AK9: variants seen among roughly 807,000 people sequenced by gnomAD.
The protein encoded by AK9 is adenylate kinase domain containing 1.
In AK9, 191 loss-of-function variants were observed where a neutral mutation model predicts 239.6. The observed-to-expected ratio is 0.80, with a 90% CI of 0.71 to 0.90. AK9 has a LOEUF of 0.90. Ranked by LOEUF, AK9 falls within the 40% of genes least tolerant of loss-of-function variation. The pLI, the probability that AK9 is intolerant of heterozygous loss-of-function variation, is 0.00. For missense variants in AK9, 1,995 were observed against 2,214.7 expected (o/e 0.90, Z 1.99); for synonymous variants, 689 against 721.0 (o/e 0.96, Z 0.71).
chr6:109,677,625 TGG>T (rs1450106287), intron 1 of AK9, among the ~76,000 whole-genome samples: 15 of 152,058 alleles, frequency 9.9e-5, no homozygotes, highest in Non-Finnish European at 2.9e-5. Flanking sequence ...CATTTAAAAT[TGG>T]TGAATAAAAA....
chr6:109,497,121 A>C (rs1777119423), intron 38 of AK9, among the ~76,000 whole-genome samples: 1 of 151,916 alleles, frequency 6.6e-6, no homozygotes, highest in Non-Finnish European at 1.5e-5. Context: ...TGCTTGGAAC[A>C]TGTCCCTCTT....
At position 109,674,236 on chromosome 6, in the gene AK9, C is replaced by T. The variant is rs150756404; in HGVS notation, c.143G>A (p.Arg48His). 103 of 1,589,328 alleles carry T rather than the reference C, an allele frequency of 6.5e-5. No individual in the cohort carries two copies. Among genetic ancestry groups the T allele is most frequent in the South Asian group, 2.6e-4 (22 of 86,184 alleles). Residue 48 changes from arginine to histidine, a missense_variant, in exon 3 of 41, where the codon CGT (arginine) becomes CAT (histidine). Physicochemically the swap from Arg to His is conservative, Grantham distance 29. Coordinates refer to ENST00000424296, the MANE Select transcript of AK9 (RefSeq NM_001145128.3). Reference sequence around the variant, plus strand: ...ACATTTCCATGCCTGTGTTATGTAACGGGCTAATGTTGTTTTCCCAACACC... The same window carrying T: ...ACATTTCCATGCCTGTGTTATGTAATGGGCTAATGTTGTTTTCCCAACACC... The part of the protein sequence containing the change: ...KPGVGKTTLA[R>H]YITQAWKCIR...
At position 109,573,606 on chromosome 6, in the gene AK9, T is replaced by G. The variant is rs1414009997; in HGVS notation, c.2192-12A>C. ...AGTCTCTTCAGCTTCTAAAAAAATT[T>G]GAAGAAATAAATTATCATTTGGTTG... On this transcript the variant is annotated splice_polypyrimidine_tract_variant and intron_variant, in intron 20 of 40. Transcript: ENST00000424296. The G allele has an allele frequency of 2.0e-6, 3 of 1,533,930 alleles. No homozygotes were observed. Among genetic ancestry groups the G allele is most frequent in the African/African-American group, 2.8e-5 (2 of 71,924 alleles).
At chr6:109,663,965 T>A (rs191805278) in intron 5 of AK9, among the ~76,000 whole-genome samples, 1 of 152,334 alleles carries the variant, frequency 6.6e-6, no homozygotes. Context: ...GAAAGCAATA[T>A]ATTGCAACAG....
chr6:109,676,133 T>A (rs1025030563), intron 1 of AK9, among the ~76,000 whole-genome samples: 1 of 152,118 alleles, frequency 6.6e-6, no homozygotes, highest in African/African-American at 2.4e-5. Flanking sequence ...AAAGGTAATG[T>A]TGGCTAAATG....
In AK9 at chr6:109,546,018, ACTT is replaced by A; in HGVS notation, c.3071_3073del (p.Glu1024del). The A allele has an allele frequency of 6.2e-7, 1 of 1,613,794 alleles. No homozygotes were observed. Among genetic ancestry groups the A allele is most frequent in the Non-Finnish European group, 8.5e-7 (1 of 1,179,904 alleles). On this transcript the variant is annotated inframe_deletion, in exon 26 of 41. Transcript: ENST00000424296. Reference sequence around the variant, plus strand: ...TTTGAGTAGTAGTTTTTCTTGAAGAACTTCTTCAAACTGAATGTGAAAAATGTT... The same window carrying A: ...TTTGAGTAGTAGTTTTTCTTGAAGAACTTCAAACTGAATGTGAAAAATGTT...
In AK9 at chr6:109,573,490, G is replaced by A. The variant is rs1787684897; in HGVS notation, c.2296C>T (p.Pro766Ser). Residue 766 changes from proline to serine, a missense_variant, in exon 21 of 41, where the codon CCT (proline) becomes TCT (serine). By Grantham distance (74) the Pro-to-Ser change is moderately conservative. Coordinates refer to ENST00000424296, the MANE Select transcript of AK9 (RefSeq NM_001145128.3). ...ASHDTRGSWL[P>S]EEFEASEVPE... ...ACCTCAGATGCTTCAAACTCCTCAG[G>A]TAACCATGACCCTCGGGTATCGTGA... 6.4e-7 allele frequency: 1 copy of A among 1,551,104 alleles called. No homozygotes were observed. The highest frequency in any genetic ancestry group is 1.4e-5 in the African/African-American group (1 of 72,998).
Position 109,573,533 on chromosome 6 carries a change from G to T in AK9, c.2253C>A (p.His751Gln). The T allele has an allele frequency of 6.4e-7, 1 of 1,550,988 alleles. No homozygotes were observed. The highest frequency in any genetic ancestry group is 8.7e-7 in the Non-Finnish European group (1 of 1,146,572). ...TATCGTGAGATGCCTCAGGCTCTTC[G>T]TGAACTTCCAACTCATCACCTTCAA... Reference protein sequence around the residue: ...EEIEGDELEVHEEPEASHDTR... With the variant: ...EEIEGDELEVQEEPEASHDTR... Residue 751 changes from histidine to glutamine, a missense_variant, in exon 21 of 41, where the codon CAC becomes CAA. By Grantham distance (24) the His-to-Gln change is conservative. Around this residue, in one of 5 missense-constraint regions of AK9, gnomAD observed 1,290 missense variants for 1,392.7 expected, o/e 0.93. Coordinates refer to ENST00000424296, the MANE Select transcript of AK9 (RefSeq NM_001145128.3).
At chr6:109,683,077 T>C (rs1425295573) in intron 1 of AK9, among the ~76,000 whole-genome samples, 2 of 152,236 alleles carry the variant, frequency 1.3e-5, no homozygotes, top group African/African-American at 4.8e-5. Flanking sequence ...ATCCCTGGGA[T>C]GCAAGGCTGG....
intron 1 of AK9, among the ~76,000 whole-genome samples, chr6:109,689,589 C>T (rs1430143029): frequency 6.6e-6 from 1 of 152,176 alleles, no homozygotes; most frequent in African/African-American, 2.4e-5. Flanking sequence ...ACATGCCTCC[C>T]AGTATTCCCT....
rs1248084317 is a variant in AK9, at chr6:109,639,561, T to C, written c.933+1957A>G. ...TTCTGGATATTAGCCCTTTGTCAGA[T>C]GTGTAGATTGCAAAAATTTTCTCCC... is the stretch of plus-strand genomic sequence containing the variant. On this transcript the variant is annotated intron_variant, in intron 10 of 40. Coordinates refer to ENST00000424296, the MANE Select transcript of AK9 (RefSeq NM_001145128.3). 2.6e-5 allele frequency among the ~76,000 whole-genome samples: 4 copies of C among 152,240 alleles called. No individual in the cohort carries two copies. In the East Asian group the frequency reaches 5.8e-4, roughly 22 times the overall value.
intron 28 of AK9, among the ~76,000 whole-genome samples, chr6:109,529,446 C>T (rs1040136192): frequency 6.6e-6 from 1 of 152,170 alleles, no homozygotes; most frequent in South Asian, 2.1e-4. Flanking sequence ...AAATAGCCTA[C>T]CATAGCGATC....
chr6:109,614,537 T>C, intron 13 of AK9, 57 bp from the exon 14 acceptor site: 4 of 1,392,858 alleles, frequency 2.9e-6, no homozygotes, highest in Non-Finnish European at 3.0e-6. Flanking sequence ...GAAAAACAGG[T>C]AGAGTGACCA....
intron 38 of AK9, 79 bp downstream of exon 38, chr6:109,497,376 TCTCTCTCTCA>T (rs2115402228): frequency 2.1e-5 from 16 of 774,628 alleles, no homozygotes; most frequent in Admixed American, 2.2e-5. Flanking sequence ...TCTCTCTCTC[TCTCTCTCTCA>T]CACACTCCTC....
At chr6:109,562,752 T>G (rs1014596669) in intron 24 of AK9, among the ~76,000 whole-genome samples, 1 of 30,280 alleles carries the variant, frequency 3.3e-5, no homozygotes, top group South Asian at 6.9e-3. Flanking sequence ...TTGGGAGGGT[T>G]TTTTTTTAAT....
intron 38 of AK9, among the ~76,000 whole-genome samples, 191 bp downstream of exon 38, chr6:109,497,274 C>A (rs1409237947): frequency 6.6e-6 from 1 of 151,500 alleles, no homozygotes; most frequent in Non-Finnish European, 1.5e-5. Flanking sequence ...ACCAGGCACT[C>A]AAAATCCATC....
chr6:109,541,636 C>T (rs1003879756), intron 27 of AK9, among the ~76,000 whole-genome samples: 22 of 152,324 alleles, frequency 1.4e-4, no homozygotes, highest in Non-Finnish European at 2.9e-4. Flanking sequence ...TCTCGAACTC[C>T]CAACCTCAGG....
At chr6:109,504,273 A>C (rs537016535) in intron 35 of AK9, among the ~76,000 whole-genome samples, 88 of 152,158 alleles carry the variant, frequency 5.8e-4, no homozygotes, top group Admixed American at 1.6e-3. Context: ...CTGAGGCAGG[A>C]GGATCCTTTG....
At chr6:109,684,690 T>G (rs6933475) in intron 1 of AK9, among the ~76,000 whole-genome samples, 5 of 134,864 alleles carry the variant, frequency 3.7e-5, no homozygotes, top group Non-Finnish European at 6.3e-5. Flanking sequence ...CCGGCTAAAA[T>G]GGTGAAACCC....
Sources: gnomAD v4.1 joint callset for allele counts (sites outside exome capture counted in the v4.1 genomes callset) on GRCh38, gnomAD v4.1.1 for gene constraint, gnomAD v4.1.1 regional missense constraint, MANE v1.5 for transcripts, NCBI Gene and HGNC (gene_info 2026-07-23, HGNC 2026-07-21) for gene names.